The following GUCY1A2 variants were observed in gnomAD, a reference collection of about 807,000 sequenced individuals.
The protein encoded by GUCY1A2 is guanylate cyclase soluble subunit alpha-2.
Under a neutral mutation model 63.5 loss-of-function variants are expected in GUCY1A2, and 27 were observed. That is an observed-to-expected ratio of 0.43 (90% CI 0.31 to 0.59). GUCY1A2 has a LOEUF of 0.59. GUCY1A2 is among the 20% of genes least tolerant of loss of function. GUCY1A2 has a pLI of 0.11. For synonymous variants in GUCY1A2, 364 were observed against 343.5 expected, an observed-to-expected ratio of 1.06 and a Z score of -0.66; for missense variants, 768 against 913.3, an observed-to-expected ratio of 0.84 and a Z score of 2.05.
chr11:106,828,610 T>A (rs1859009311), intron 4 of GUCY1A2, among the ~76,000 whole-genome samples: 1 of 152,186 alleles, frequency 6.6e-6, no homozygotes, highest in South Asian at 2.1e-4. Flanking sequence ...TATCATCTTG[T>A]CCAATCCATC....
intron 6 of GUCY1A2, among the ~76,000 whole-genome samples, chr11:106,773,070 G>C (rs1864285758): frequency 6.6e-6 from 1 of 151,920 alleles, no homozygotes; most frequent in Admixed American, 6.6e-5. Context: ...GCATATTAAA[G>C]AAGAGTAATA....
intron 4 of GUCY1A2, among the ~76,000 whole-genome samples, chr11:106,837,457 G>C (rs1232636358): frequency 1.3e-5 from 2 of 151,906 alleles, no homozygotes; most frequent in Non-Finnish European, 2.9e-5. Context: ...GTGAACATTT[G>C]TGTGCCTGTA....
At chr11:106,755,147 A>T (rs1393276871) in intron 6 of GUCY1A2, among the ~76,000 whole-genome samples, 3 of 152,130 alleles carry the variant, frequency 2.0e-5, no homozygotes, top group African/African-American at 4.8e-5. Flanking sequence ...AGGGGTGTTT[A>T]TAGTATTCTC....
At chr11:106,761,572 G>A (rs971269540) in intron 6 of GUCY1A2, among the ~76,000 whole-genome samples, 1 of 152,170 alleles carries the variant, frequency 6.6e-6, no homozygotes, top group East Asian at 1.9e-4. Flanking sequence ...ATAGAAATAT[G>A]TTTGCCTGAG....
At chr11:106,855,898 T>TTTTTTTTA (rs370789014) in intron 4 of GUCY1A2, among the ~76,000 whole-genome samples, 11,378 of 57,542 alleles carry the variant, frequency 0.2, 1,057 homozygotes, top group East Asian at 0.41. Context: ...TTGTATTTTA[T>TTTTTTTTA]TTATTTATTT....
chr11:106,748,668 C>T (rs1015519515), intron 6 of GUCY1A2, among the ~76,000 whole-genome samples: 7 of 152,202 alleles, frequency 4.6e-5, no homozygotes, highest in Admixed American at 1.3e-4. Flanking sequence ...GACCTTAAAA[C>T]TATGACCTTT....
chr11:106,745,954 T>C (rs1425837535), intron 6 of GUCY1A2, among the ~76,000 whole-genome samples: 1 of 152,224 alleles, frequency 6.6e-6, no homozygotes, highest in Non-Finnish European at 1.5e-5. Context: ...TTTTCCATCA[T>C]TTTGGTGGTC....
At chr11:106,922,662 CATATATATATATATATATATATATATAT>C (rs6144495) in intron 4 of GUCY1A2, among the ~76,000 whole-genome samples, 74 of 124,804 alleles carry the variant, frequency 5.9e-4, no homozygotes, top group Middle Eastern at 4.8e-3. Flanking sequence ...TTGTTAACTA[CATATATATATATATATATATATATATAT>C]ATATATATAT....
rs200109012 is a variant in GUCY1A2, at chr11:106,722,700, G to GA, written c.1837-14035dup. ...ATCGATCCCATTCAAGCAAACAAAA[G>GA]AAAAAAAAATAGGAAATTTTCTTTT... On this transcript the variant is annotated intron_variant, in intron 6 of 7. Coordinates refer to ENST00000526355, the MANE Select transcript of GUCY1A2 (RefSeq NM_000855.3). Among the ~76,000 whole-genome samples, 45 of 147,708 alleles carry GA rather than the reference G, an allele frequency of 3.0e-4. 1 individual carries two copies. Among genetic ancestry groups the GA allele is most frequent in the African/African-American group, 6.5e-4 (26 of 40,218 alleles).
intron 4 of GUCY1A2, among the ~76,000 whole-genome samples, chr11:106,828,698 G>A (rs968411893): frequency 6.6e-6 from 1 of 151,902 alleles, no homozygotes; most frequent in Non-Finnish European, 1.5e-5. Flanking sequence ...CTCGCAAGAA[G>A]GCAAGGATTG....
intron 4 of GUCY1A2, among the ~76,000 whole-genome samples, chr11:106,843,967 C>G (rs896686843): frequency 2.6e-5 from 4 of 151,790 alleles, no homozygotes; most frequent in African/African-American, 9.7e-5. Flanking sequence ...TAACATCGGT[C>G]AGCATCTTGT....
At chr11:106,872,891 T>C (rs1859699843) in intron 4 of GUCY1A2, among the ~76,000 whole-genome samples, 1 of 151,826 alleles carries the variant, frequency 6.6e-6, no homozygotes, top group Non-Finnish European at 1.5e-5. Flanking sequence ...GCTGCACCCA[T>C]TGACCCGTCC....
chr11:106,872,788 T>C (rs1193733586), intron 4 of GUCY1A2, among the ~76,000 whole-genome samples: 1 of 152,160 alleles, frequency 6.6e-6, no homozygotes, highest in Admixed American at 6.5e-5. Flanking sequence ...AGCTGTTCTT[T>C]TTTTTCTTTT....
intron 4 of GUCY1A2, among the ~76,000 whole-genome samples, chr11:106,888,215 T>C (rs914688192): frequency 6.6e-6 from 1 of 151,994 alleles, no homozygotes; most frequent in African/African-American, 2.4e-5. Context: ...TCCCAGCACT[T>C]TGGCAGGCCA....
chr11:107,014,623 T>C (rs1861794991), intron 1 of GUCY1A2, among the ~76,000 whole-genome samples: 2 of 152,210 alleles, frequency 1.3e-5, no homozygotes, highest in Non-Finnish European at 1.5e-5. Context: ...TTAAAGTGAC[T>C]ATTAAGCATC....
intron 4 of GUCY1A2, among the ~76,000 whole-genome samples, chr11:106,852,839 T>C (rs879718841): frequency 2.6e-5 from 4 of 152,176 alleles, no homozygotes; most frequent in Admixed American, 6.5e-5. Flanking sequence ...TAGGAAGAAT[T>C]TCCTTCTATT....
chr11:106,761,128 T>G (rs1279616929), intron 6 of GUCY1A2, among the ~76,000 whole-genome samples: 1 of 152,202 alleles, frequency 6.6e-6, no homozygotes, highest in Non-Finnish European at 1.5e-5. Context: ...TCTGGCCTTA[T>G]CTTCTTCATT....
chr11:107,017,663 C>T, intron 1 of GUCY1A2, 90 bp downstream of exon 1: 1 of 748,324 alleles, frequency 1.3e-6, no homozygotes, highest in Non-Finnish European at 1.9e-6. Context: ...CGGTCGGGCT[C>T]TGCGCTCGCG....
rs981109436 is a variant in GUCY1A2 at position 106,685,455 on chromosome 11, A to T, written c.*2094T>A. 3 of 221,916 alleles carry T rather than the reference A, an allele frequency of 1.4e-5. No homozygotes were observed. Among genetic ancestry groups the T allele is most frequent in the Non-Finnish European group, 2.7e-5 (3 of 111,030 alleles). 13.7% of individuals were successfully genotyped at this position (221,916 alleles called of 1,614,324 possible). On this transcript the variant is annotated 3_prime_UTR_variant, in exon 8 of 8. Coordinates refer to ENST00000526355, the MANE Select transcript of GUCY1A2 (RefSeq NM_000855.3). ...TCTTTATAAAAAGTGAGAGAAATAG[A>T]TTGGATATTCCTGGAAGTCCCTTTC... is the stretch of plus-strand genomic sequence containing the variant.
Sources: gnomAD v4.1 joint callset for allele counts (sites outside exome capture counted in the v4.1 genomes callset) on GRCh38, gnomAD v4.1.1 for gene constraint, MANE v1.5 for transcripts, NCBI Gene and HGNC (gene_info 2026-07-23, HGNC 2026-07-21) for gene names.